Variants in MTUS1 observed in about 807,000 individuals in gnomAD.
MTUS1 encodes the protein microtubule associated scaffold protein 1.
MTUS1 carries 109 observed loss-of-function variants against 120.8 expected under a neutral mutation model. The observed-to-expected ratio is 0.90, with a 90% CI of 0.77 to 1.06. The LOEUF (loss-of-function observed/expected upper bound fraction) is 1.06. Among genes scored for constraint, MTUS1 ranks in the 50% least tolerant of loss-of-function variants. The pLI is 0.00. For synonymous variants in MTUS1, 737 were observed against 550.5 expected (o/e 1.34, Z -4.74); for missense variants, 2,210 against 1,486.3 (o/e 1.49, Z -8.01).
In MTUS1 at chr8:17,696,418, T is replaced by C. The variant is rs530771329; in HGVS notation, c.2624-11876A>G. ...CACATGAAGCAGAAACAAAAATCTA[T>C]TTACATCCTCATCAAACATTCCTGT... On this transcript the variant is annotated intron_variant, in intron 6 of 14. Coordinates refer to ENST00000693296, the MANE Select transcript of MTUS1 (RefSeq NM_001363059.2). Among the ~76,000 whole-genome samples the C allele has an allele frequency of 2.0e-5, 3 of 152,184 alleles. No homozygotes were observed. In the East Asian group the frequency reaches 5.8e-4, roughly 29 times the overall value.
intron 4 of MTUS1, among the ~76,000 whole-genome samples, chr8:17,717,866 C>T (rs1009107261): frequency 6.6e-6 from 1 of 152,104 alleles, no homozygotes; most frequent in Non-Finnish European, 1.5e-5. Flanking sequence ...CTTCATAACA[C>T]GCAACATGAA....
At position 17,754,210 on chromosome 8, in the gene MTUS1, C is replaced by A; in HGVS notation, c.1598G>T (p.Arg533Ile). 1 of 1,614,046 alleles carries A rather than the reference C, an allele frequency of 6.2e-7. No individual in the cohort carries two copies. ...KDAALSKVTPRPQQTSASSPS... is the reference protein window; with the variant it reads ...KDAALSKVTPIPQQTSASSPS... ...TGATGAGGCACTGGTCTGCTGAGGTCTGGGCGTGACCTTTGATAAAGCAGC... is the reference window on the plus strand; with the variant it reads ...TGATGAGGCACTGGTCTGCTGAGGTATGGGCGTGACCTTTGATAAAGCAGC... Residue 533 changes from arginine (R) to isoleucine (I), a missense_variant, in exon 2 of 15, where the codon AGA (arginine) becomes ATA (isoleucine). Physicochemically the swap from Arg to Ile is moderately conservative, Grantham distance 97. Transcript: ENST00000693296.
chr8:17,778,009 A>T lies in MTUS1; in HGVS notation c.-154-22048T>A, dbSNP rs78247893. Among the ~76,000 whole-genome samples the T allele has an allele frequency of 5.6e-3, 852 of 152,340 alleles. 2 individuals are homozygous for T. Among genetic ancestry groups the T allele is most frequent in the Non-Finnish European group, 7.7e-3 (524 of 68,030 alleles). ...TGTAGAAAAAGCAACACAGGAAAAC[A>T]AAAACAGATGTGGGTGGGGGTATGG... is the stretch of plus-strand genomic sequence containing the variant. On this transcript the variant is annotated intron_variant, in intron 1 of 14. Coordinates refer to ENST00000693296, the MANE Select transcript of MTUS1 (RefSeq NM_001363059.2).
chr8:17,731,520 G>A (rs988493368), intron 3 of MTUS1, among the ~76,000 whole-genome samples: 1 of 152,076 alleles, frequency 6.6e-6, no homozygotes, highest in African/African-American at 2.4e-5. Flanking sequence ...AACGCAAAGG[G>A]CTTAAGATGA....
At chr8:17,738,131 A>T (rs931157731) in intron 3 of MTUS1, among the ~76,000 whole-genome samples, 1 of 152,202 alleles carries the variant, frequency 6.6e-6, no homozygotes, top group Non-Finnish European at 1.5e-5. Context: ...TGAAATAAAG[A>T]GTTGCCCTTT....
At chr8:17,751,396 T>C (rs2048176467) in intron 2 of MTUS1, among the ~76,000 whole-genome samples, 1 of 152,168 alleles carries the variant, frequency 6.6e-6, no homozygotes, top group Non-Finnish European at 1.5e-5. Context: ...CCGACATTCA[T>C]GTTTCAGGAA....
intron 1 of MTUS1, among the ~76,000 whole-genome samples, chr8:17,794,584 G>T (rs2052067666): frequency 6.6e-6 from 1 of 152,014 alleles, no homozygotes; most frequent in Non-Finnish European, 1.5e-5. Flanking sequence ...ACCCTATCCT[G>T]ACCCACCAGC....
rs961377085 is a variant in MTUS1 at position 17,646,894 on chromosome 8, A to T, written c.3599+88T>A. ...CATCTGCTTCCATCATATTTCCAGG[A>T]GGTGCAGGGGTAGAGCGTGTCCAGA... is the stretch of plus-strand genomic sequence containing the variant. On this transcript the variant is annotated intron_variant, in intron 14 of 14. Coordinates refer to ENST00000693296, the MANE Select transcript of MTUS1 (RefSeq NM_001363059.2). 5.4e-5 allele frequency: 46 copies of T among 848,354 alleles called. 1 individual carries two copies. The highest frequency in any genetic ancestry group is 8.7e-5 in the Non-Finnish European group (44 of 505,342). The allele number at this position is 848,354 out of a possible 1,614,324, so 52.6% of individuals were successfully genotyped here.
At chr8:17,752,304 C>T (rs562957993) in intron 2 of MTUS1, among the ~76,000 whole-genome samples, 17 of 152,148 alleles carry the variant, frequency 1.1e-4, no homozygotes, top group African/African-American at 4.1e-4. Flanking sequence ...GAATAAACAT[C>T]GTGTTTCTAT....
At chr8:17,797,572 C>T (rs1023065937) in intron 1 of MTUS1, among the ~76,000 whole-genome samples, 2 of 152,142 alleles carry the variant, frequency 1.3e-5, no homozygotes, top group African/African-American at 4.8e-5. Flanking sequence ...TTCATACCAT[C>T]CCATCTAGTC....
intron 1 of MTUS1, among the ~76,000 whole-genome samples, chr8:17,773,325 C>T (rs1169440487): frequency 1.3e-5 from 2 of 152,120 alleles, no homozygotes; most frequent in Non-Finnish European, 2.9e-5. Flanking sequence ...GCTAGCCACA[C>T]TGTCATTAGA....
intron 4 of MTUS1, among the ~76,000 whole-genome samples, chr8:17,718,950 A>C (rs1289440691): frequency 6.6e-6 from 1 of 151,918 alleles, no homozygotes; most frequent in African/African-American, 2.4e-5. Context: ...TGGGCAGATC[A>C]CTTGAGGCCA....
chr8:17,697,768 C>T, intron 6 of MTUS1: 1 of 983,430 alleles, frequency 1.0e-6, no homozygotes, highest in African/African-American at 1.7e-5. Flanking sequence ...AATAATGTCA[C>T]AGATCCTGTA....
chr8:17,751,111 G>C (rs1223215019), intron 2 of MTUS1, among the ~76,000 whole-genome samples: 1 of 151,966 alleles, frequency 6.6e-6, no homozygotes, highest in Non-Finnish European at 1.5e-5. Flanking sequence ...GAGGTCAGGA[G>C]TTCGAGACCA....
intron 1 of MTUS1, among the ~76,000 whole-genome samples, chr8:17,765,554 AGTTGCAGTGAGCTGAGAT>A (rs1275651449): frequency 6.7e-6 from 1 of 149,344 alleles, no homozygotes; most frequent in Non-Finnish European, 1.5e-5. Context: ...CAGAGGCACA[AGTTGCAGTGAGCTGAGAT>A]TATGCCACTG....
At chr8:17,739,605 A>G (rs1488507198) in intron 3 of MTUS1, among the ~76,000 whole-genome samples, 1 of 152,210 alleles carries the variant, frequency 6.6e-6, no homozygotes, top group Non-Finnish European at 1.5e-5. Context: ...GCTGGTCTGA[A>G]TCCCACCTCT....
intron 3 of MTUS1, among the ~76,000 whole-genome samples, chr8:17,727,615 C>T (rs1476586336): frequency 6.6e-6 from 1 of 152,226 alleles, no homozygotes; most frequent in South Asian, 2.1e-4. Context: ...GCAAGTAACA[C>T]AGGCGCTAAA....
chr8:17,649,568 G>T (rs143984170), intron 13 of MTUS1, among the ~76,000 whole-genome samples: 3 of 152,292 alleles, frequency 2.0e-5, no homozygotes, highest in African/African-American at 7.2e-5. Context: ...TGCAGGTGAA[G>T]ATCCAAAATA....
chr8:17,781,258 C>A (rs956529057), intron 1 of MTUS1, among the ~76,000 whole-genome samples: 1 of 152,170 alleles, frequency 6.6e-6, no homozygotes, highest in Non-Finnish European at 1.5e-5. Flanking sequence ...AAGATTTTGT[C>A]TGAATTTCCA....
Sources: gnomAD v4.1 joint callset for allele counts (sites outside exome capture counted in the v4.1 genomes callset) on GRCh38, gnomAD v4.1.1 for gene constraint, MANE v1.5 for transcripts, NCBI Gene and HGNC (gene_info 2026-07-23, HGNC 2026-07-21) for gene names.